The following RELN variants were observed in gnomAD, a reference collection of about 807,000 sequenced individuals.
The protein encoded by RELN is reelin.
Under a neutral mutation model 427.6 loss-of-function variants are expected in RELN, and 108 were observed. The ratio of observed to expected loss-of-function variants is 0.25; its 90% confidence interval spans 0.22 to 0.30. The LOEUF (loss-of-function observed/expected upper bound fraction) is 0.30, where lower values mean the gene tolerates loss of function less well. RELN is among the 10% of genes least tolerant of loss of function. RELN has a pLI of 1.00. For missense variants in RELN, 3,715 were observed against 4,302.8 expected, an observed-to-expected ratio of 0.86 and a Z score of 3.82; for synonymous variants, 1,524 against 1,513.4, an observed-to-expected ratio of 1.01 and a Z score of -0.16.
intron 41 of RELN, among the ~76,000 whole-genome samples, chr7:103,548,417 T>A (rs1197005810): frequency 6.6e-6 from 1 of 152,230 alleles, no homozygotes; most frequent in Non-Finnish European, 1.5e-5. Flanking sequence ...TTCACTGAGT[T>A]GGAGAAAATT....
At chr7:103,765,757 T>C (rs1426653687) in intron 4 of RELN, among the ~76,000 whole-genome samples, 2 of 152,170 alleles carry the variant, frequency 1.3e-5, no homozygotes, top group South Asian at 2.1e-4. Flanking sequence ...AATTCTTCCA[T>C]AGGCACCCAA....
intron 2 of RELN, among the ~76,000 whole-genome samples, chr7:103,847,332 C>T (rs1437290993): frequency 1.3e-5 from 2 of 152,036 alleles, no homozygotes; most frequent in East Asian, 1.9e-4. Context: ...AACCAAGCAC[C>T]GCATGTTCTC....
At chr7:103,522,419 A>G (rs1427340936) in intron 47 of RELN, among the ~76,000 whole-genome samples, 1 of 152,220 alleles carries the variant, frequency 6.6e-6, no homozygotes, top group Admixed American at 6.5e-5. Flanking sequence ...GTAGTGATTC[A>G]GGGTTATAGG....
intron 2 of RELN, among the ~76,000 whole-genome samples, chr7:103,883,387 C>G (rs190195874): frequency 2.6e-5 from 4 of 152,344 alleles, no homozygotes; most frequent in Admixed American, 2.0e-4. Context: ...CAAGGATGCC[C>G]TCTCTCACCA....
At chr7:103,498,302 T>G (rs1296077949) in intron 53 of RELN, 50 bp from the exon 54 acceptor site, 2 of 1,514,298 alleles carry the variant, frequency 1.3e-6, no homozygotes, top group Admixed American at 1.7e-5. Flanking sequence ...TTCAGATAAC[T>G]ATGGAATATT....
At chr7:103,504,788 G>C (rs1212035651) in intron 51 of RELN, among the ~76,000 whole-genome samples, 1 of 152,182 alleles carries the variant, frequency 6.6e-6, no homozygotes, top group Non-Finnish European at 1.5e-5. Flanking sequence ...GGCTCAGTGA[G>C]TCCCACCCCC....
intron 41 of RELN, among the ~76,000 whole-genome samples, chr7:103,550,146 T>C (rs956085881): frequency 1.3e-5 from 2 of 152,228 alleles, no homozygotes; most frequent in African/African-American, 4.8e-5. Context: ...AATCAATTTA[T>C]AAAAGTTATG....
At chr7:103,671,701 T>C (rs942280157) in intron 11 of RELN, among the ~76,000 whole-genome samples, 5 of 152,310 alleles carry the variant, frequency 3.3e-5, no homozygotes, top group Admixed American at 1.3e-4. Flanking sequence ...CAAAGTGTTA[T>C]TGCTCAAGCA....
intron 4 of RELN, among the ~76,000 whole-genome samples, chr7:103,759,567 G>GA (rs1791244248): frequency 6.6e-6 from 1 of 152,054 alleles, no homozygotes; most frequent in Admixed American, 6.6e-5. Context: ...CAGAAGAGTT[G>GA]CAGCTTTTTT....
chr7:103,557,127 G>A lies in RELN; in HGVS notation c.5647C>T (p.Gln1883Ter). The A allele has an allele frequency of 1.2e-6, 2 of 1,613,518 alleles. No individual in the cohort carries two copies. Among genetic ancestry groups the A allele is most frequent in the Middle Eastern group, 1.7e-4 (1 of 6,056 alleles). ...GTGATTCCTCCACTGATGGAGAATT[G>A]TAACAGAATAGAGTGAGATCTCTCT... The part of the protein sequence containing the change: ...TPERSHSILL[Q>*]FSISGGITWH... The change falls in exon 38 of 65, where the codon CAA becomes TAA. Residue 1883 changes from glutamine to a stop codon, truncating the protein, a stop_gained. Transcript: ENST00000428762. LOFTEE classifies it high-confidence loss of function.
At chr7:103,584,900 C>A (rs1195495810) in intron 28 of RELN, among the ~76,000 whole-genome samples, 1 of 151,948 alleles carries the variant, frequency 6.6e-6, no homozygotes, top group Non-Finnish European at 1.5e-5. Context: ...GATATCAATA[C>A]CAAGAGGAAC....
At position 103,636,500 on chromosome 7, in the gene RELN, A is replaced by C. The variant is rs201080724; in HGVS notation, c.2070-32T>G. ...GAAATATGGTGAAATTAAATCTTAA[A>C]CTGTTGGCTGTTTCGGAGATTCTCG... On this transcript the variant is annotated intron_variant, in intron 17 of 64. Coordinates refer to ENST00000428762, the MANE Select transcript of RELN (RefSeq NM_005045.4). 5.7e-5 allele frequency: 81 copies of C among 1,422,080 alleles called. No individual in the cohort carries two copies. In the East Asian group the frequency reaches 1.9e-3, roughly 33 times the overall value. The allele number at this position is 1,422,080 out of a possible 1,614,324, so 88.1% of individuals were successfully genotyped here. A position where few individuals can be genotyped will look rare whatever the true frequency, so the allele number is the denominator to read the frequency against.
intron 2 of RELN, among the ~76,000 whole-genome samples, chr7:103,862,876 G>A (rs1244046591): frequency 6.6e-6 from 1 of 152,064 alleles, no homozygotes; most frequent in Non-Finnish European, 1.5e-5. Context: ...ATCAGAGAAT[G>A]GACGTGGCTG....
intron 2 of RELN, among the ~76,000 whole-genome samples, chr7:103,867,025 A>G (rs1276706149): frequency 1.3e-5 from 2 of 152,126 alleles, no homozygotes; most frequent in African/African-American, 4.8e-5. Flanking sequence ...GTACTGTTTA[A>G]AATTAAGTAA....
At chr7:103,851,740 T>C (rs1195847013) in intron 2 of RELN, among the ~76,000 whole-genome samples, 1 of 152,210 alleles carries the variant, frequency 6.6e-6, no homozygotes, top group African/African-American at 2.4e-5. Context: ...CCAGGCAACA[T>C]ACATACCTCT....
chr7:103,929,845 A>G (rs140543371), intron 1 of RELN, among the ~76,000 whole-genome samples: 46 of 152,342 alleles, frequency 3.0e-4, no homozygotes, highest in African/African-American at 9.6e-4. Context: ...ATTTGACTTC[A>G]ACGCATCCGG....
At chr7:103,655,225 A>G (rs760969095) in intron 12 of RELN, among the ~76,000 whole-genome samples, 4 of 152,054 alleles carry the variant, frequency 2.6e-5, no homozygotes, top group Non-Finnish European at 5.9e-5. Context: ...ATCCTTCATA[A>G]TAGTACCAAC....
chr7:103,840,522 C>T (rs766685134), intron 2 of RELN, among the ~76,000 whole-genome samples: 2 of 152,124 alleles, frequency 1.3e-5, no homozygotes, highest in Admixed American at 6.5e-5. Context: ...TCATTGTAAT[C>T]TATGAGTACT....
intron 6 of RELN, among the ~76,000 whole-genome samples, chr7:103,729,279 C>T (rs1255254641): frequency 2.0e-5 from 3 of 152,084 alleles, no homozygotes; most frequent in Admixed American, 1.3e-4. Flanking sequence ...TGTATTATAC[C>T]CTTTCAGCCG....
Sources: allele counts gnomAD v4.1 joint callset (sites outside exome capture counted in the v4.1 genomes callset), GRCh38; gene constraint gnomAD v4.1.1; transcripts MANE v1.5; gene names NCBI Gene and HGNC (gene_info 2026-07-23, HGNC 2026-07-21).